Variants in IL1RAPL2 observed in about 807,000 individuals in gnomAD.
The protein encoded by IL1RAPL2 is X-linked interleukin-1 receptor accessory protein-like 2.
In IL1RAPL2, 3 loss-of-function variants were observed where a neutral mutation model predicts 44.1. The observed-to-expected ratio is 0.07, with a 90% confidence interval of 0.03 to 0.18. The LOEUF is 0.18. IL1RAPL2 is among the 10% of genes least tolerant of loss of function. IL1RAPL2 has a pLI of 1.00. For synonymous variants in IL1RAPL2, 181 were observed against 178.8 expected (o/e 1.01, Z -0.10); for missense variants, 391 against 496.4 (o/e 0.79, Z 2.02).
intron 2 of IL1RAPL2, among the ~76,000 whole-genome samples, chrX:105,022,582 G>A (rs1421856621): frequency 9.0e-6 from 1 of 110,992 alleles, no homozygotes; most frequent in Non-Finnish European, 1.9e-5. Context: ...TTTCAGCTCT[G>A]TGATTTTTCA....
intron 6 of IL1RAPL2, among the ~76,000 whole-genome samples, chrX:105,541,842 T>G (rs1178969971): frequency 9.0e-6 from 1 of 111,408 alleles, no homozygotes; most frequent in Non-Finnish European, 1.9e-5. Flanking sequence ...TCAGTCATTC[T>G]GTTACCCACA....
At chrX:105,406,780 A>T (rs2035648260) in intron 5 of IL1RAPL2, 6 of 1,186,608 alleles carry the variant, frequency 5.1e-6, no homozygotes, top group Non-Finnish European at 5.7e-6. Flanking sequence ...TTCTGGTCTT[A>T]AAGCCAATTT....
chrX:104,682,723 G>A (rs1415401096), intron 2 of IL1RAPL2, among the ~76,000 whole-genome samples: 1 of 111,818 alleles, frequency 8.9e-6, no homozygotes, highest in East Asian at 2.8e-4. Context: ...AGAAGAAGCT[G>A]GAAGTTACAG....
chrX:105,695,734 C>T (rs2038071546), intron 6 of IL1RAPL2, among the ~76,000 whole-genome samples: 1 of 111,260 alleles, frequency 9.0e-6, no homozygotes. Flanking sequence ...AAACATTGTA[C>T]AATAGATACT....
intron 5 of IL1RAPL2, among the ~76,000 whole-genome samples, chrX:105,292,573 G>A (rs183566515): frequency 7.2e-5 from 8 of 111,772 alleles, no homozygotes; most frequent in African/African-American, 2.3e-4. Flanking sequence ...GTTGTCTTCT[G>A]ATAAGCCAGG....
rs1491005195 is a variant in IL1RAPL2 at position 104,582,618 on chromosome X, TTC to T, written c.-20+15569_-20+15570del. Among the ~76,000 whole-genome samples the T allele has an allele frequency of 1.7e-4, 13 of 78,675 alleles. No individual in the cohort carries two copies. In the South Asian group the frequency reaches 6.7e-3, roughly 40 times the overall value. 68.3% of individuals were successfully genotyped at this position (78,675 alleles called of 115,157 possible). Reference sequence around the variant, plus strand: ...TCTTTTTCTTTCTTTCTTTCTTTCTTTCTTTCTTTCTTTCTTTCTTTCTCTCT... The same window carrying T: ...TCTTTTTCTTTCTTTCTTTCTTTCTTTTTCTTTCTTTCTTTCTTTCTCTCT... On this transcript the variant is annotated intron_variant, in intron 1 of 10. Coordinates refer to ENST00000372582, the MANE Select transcript of IL1RAPL2 (RefSeq NM_017416.2).
intron 2 of IL1RAPL2, among the ~76,000 whole-genome samples, chrX:105,090,167 G>A (rs903305030): frequency 9.0e-6 from 1 of 111,140 alleles, no homozygotes; most frequent in Admixed American, 9.6e-5. Flanking sequence ...ATGCAGGCCA[G>A]TAATGCCATG....
chrX:104,709,775 A>T (rs923222721), intron 2 of IL1RAPL2, among the ~76,000 whole-genome samples: 4 of 111,459 alleles, frequency 3.6e-5, no homozygotes, highest in Non-Finnish European at 7.6e-5. Context: ...AGTATCCAGA[A>T]TATATAAAGA....
In IL1RAPL2 at chrX:105,031,292, T is replaced by C. The variant is rs754120762; in HGVS notation, c.83-164183T>C. On this transcript the variant is annotated intron_variant, in intron 2 of 10. Transcript: ENST00000372582. Reference sequence around the variant, plus strand: ...CTTCCAACACTATGTTGAATAGGAGTGGTGAGAGAGGGCATCCCTGTCTTG... The same window carrying C: ...CTTCCAACACTATGTTGAATAGGAGCGGTGAGAGAGGGCATCCCTGTCTTG... 4.8e-3 allele frequency among the ~76,000 whole-genome samples: 516 copies of C among 106,440 alleles called. 2 individuals carry two copies. The highest frequency in any genetic ancestry group is 7.9e-3 in the Non-Finnish European group (408 of 51,659). 92.4% of individuals were successfully genotyped at this position (106,440 alleles called of 115,157 possible).
intron 2 of IL1RAPL2, among the ~76,000 whole-genome samples, chrX:105,055,664 A>G (rs2031982895): frequency 8.9e-6 from 1 of 112,210 alleles, no homozygotes; most frequent in Admixed American, 9.4e-5. Context: ...AAAAGTGAGT[A>G]CTTAGTAAAA....
At chrX:105,309,685 T>A (rs2034780762) in intron 5 of IL1RAPL2, among the ~76,000 whole-genome samples, 2 of 106,893 alleles carry the variant, frequency 1.9e-5, no homozygotes, top group Admixed American at 2.0e-4. Flanking sequence ...TGAGCTGAGA[T>A]CCTGCCACTG....
intron 1 of IL1RAPL2, among the ~76,000 whole-genome samples, chrX:104,574,990 A>G (rs1928218230): frequency 1.8e-5 from 2 of 112,049 alleles, no homozygotes; most frequent in Admixed American, 1.9e-4. Flanking sequence ...TTTATAATGC[A>G]TTTAAAATGC....
chrX:105,207,489 A>G (rs144706808), intron 3 of IL1RAPL2, among the ~76,000 whole-genome samples: 1,353 of 111,710 alleles, frequency 0.012, 25 homozygotes, highest in African/African-American at 0.042. Context: ...TGACATTACT[A>G]TCACTCCTAG....
intron 6 of IL1RAPL2, among the ~76,000 whole-genome samples, chrX:105,496,991 C>A (rs1030960121): frequency 1.8e-5 from 2 of 111,369 alleles, no homozygotes; most frequent in Admixed American, 9.6e-5. Flanking sequence ...TTTTGGTTCT[C>A]AATGTTGATT....
chrX:105,711,893 T>C lies in IL1RAPL2; in HGVS notation c.773-5474T>C, dbSNP rs748766035. On this transcript the variant is annotated intron_variant, in intron 6 of 10. Transcript: ENST00000372582. ...TTAATCTTAAAACTGGAGAATAATT[T>C]GCTTTGCCTCCCTGTCCCATATCCT... is the stretch of plus-strand genomic sequence containing the variant. Among the ~76,000 whole-genome samples, 41 of 112,431 alleles carry C rather than the reference T, an allele frequency of 3.6e-4. No homozygotes were observed. The Admixed American group carries it at 3.8e-3, about 11-fold the overall frequency.
intron 5 of IL1RAPL2, among the ~76,000 whole-genome samples, chrX:105,438,952 G>T (rs1427747520): frequency 9.0e-6 from 1 of 110,533 alleles, no homozygotes; most frequent in Non-Finnish European, 1.9e-5. Flanking sequence ...CATGGGGGCG[G>T]TTTCCCCCAC....
At chrX:105,258,839 G>A (rs764839913) in intron 4 of IL1RAPL2, among the ~76,000 whole-genome samples, 28 of 111,713 alleles carry the variant, frequency 2.5e-4, no homozygotes, top group African/African-American at 8.8e-4. Context: ...TCGTTTTATT[G>A]TGATTTTTTC....
intron 2 of IL1RAPL2, among the ~76,000 whole-genome samples, chrX:104,810,597 A>G: frequency 1.8e-5 from 2 of 111,167 alleles, no homozygotes. Context: ...CAGAGACACA[A>G]CTTACCTATG....
chrX:105,234,821 A>AG (rs1556199832), intron 4 of IL1RAPL2, among the ~76,000 whole-genome samples: 6,193 of 106,475 alleles, frequency 0.058, 274 homozygotes, highest in South Asian at 0.18. Context: ...AAAAAAAAAA[A>AG]AAGAAGAGAG....
Sources: allele counts gnomAD v4.1 joint callset (sites outside exome capture counted in the v4.1 genomes callset), GRCh38; gene constraint gnomAD v4.1.1; transcripts MANE v1.5; gene names NCBI Gene and HGNC (gene_info 2026-07-23, HGNC 2026-07-21).